The following NPAS3 variants were observed in gnomAD, a reference collection of about 807,000 sequenced individuals.
The protein encoded by NPAS3 is neuronal PAS domain-containing protein 3.
NPAS3 carries 14 observed loss-of-function variants against 73.1 expected under a neutral mutation model. The ratio of observed to expected loss-of-function variants is 0.19; its 90% confidence interval spans 0.13 to 0.30. The LOEUF is 0.30. Among genes scored for constraint, NPAS3 ranks in the 10% least tolerant of loss-of-function variants. NPAS3 has a pLI of 1.00. For synonymous variants in NPAS3, 620 were observed against 541.5 expected, an observed-to-expected ratio of 1.14 and a Z score of -2.01; for missense variants, 1,096 against 1,250.0, an observed-to-expected ratio of 0.88 and a Z score of 1.86.
chr14:33,613,545 A>G (rs2057817433), intron 5 of NPAS3, among the ~76,000 whole-genome samples: 1 of 151,964 alleles, frequency 6.6e-6, no homozygotes, highest in Non-Finnish European at 1.5e-5. Flanking sequence ...CATTGGTGCT[A>G]CATTCTGCTC....
intron 3 of NPAS3, among the ~76,000 whole-genome samples, chr14:33,317,136 A>G (rs1262979725): frequency 6.6e-6 from 1 of 152,072 alleles, no homozygotes. Context: ...TGGGGAGCCT[A>G]GCTTTCCCTT....
At chr14:32,950,046 G>C (rs772692327) in intron 1 of NPAS3, among the ~76,000 whole-genome samples, 6 of 151,980 alleles carry the variant, frequency 3.9e-5, no homozygotes, top group Admixed American at 2.6e-4. Flanking sequence ...GAAATCATGA[G>C]ATTAAATACA....
chr14:32,969,460 G>C (rs2037330434), intron 1 of NPAS3, among the ~76,000 whole-genome samples: 1 of 152,102 alleles, frequency 6.6e-6, no homozygotes. Context: ...ATATGCCAAA[G>C]TTTTCATGAG....
At chr14:33,548,989 C>T (rs1388106905) in intron 4 of NPAS3, among the ~76,000 whole-genome samples, 4 of 152,098 alleles carry the variant, frequency 2.6e-5, no homozygotes, top group African/African-American at 9.7e-5. Context: ...ATGTTTCATC[C>T]CCAGTTAGTA....
chr14:33,439,947 C>G (rs532275889), intron 4 of NPAS3, among the ~76,000 whole-genome samples: 30 of 152,116 alleles, frequency 2.0e-4, no homozygotes, highest in African/African-American at 5.8e-4. Context: ...AACCCCGTCT[C>G]TACTAAAAAT....
intron 5 of NPAS3, among the ~76,000 whole-genome samples, chr14:33,633,426 T>G (rs1048351781): frequency 1.3e-5 from 2 of 152,172 alleles, no homozygotes; most frequent in African/African-American, 2.4e-5. Flanking sequence ...GAATATGTTC[T>G]GAGAAATGCA....
chr14:33,733,381 G>T (rs2061447035), intron 6 of NPAS3, among the ~76,000 whole-genome samples: 1 of 151,582 alleles, frequency 6.6e-6, no homozygotes. Flanking sequence ...TTGGTTCTAA[G>T]GGTCTCTGAT....
intron 2 of NPAS3, among the ~76,000 whole-genome samples, chr14:33,104,032 C>A (rs1444942242): frequency 6.6e-6 from 1 of 152,126 alleles, no homozygotes; most frequent in Non-Finnish European, 1.5e-5. Flanking sequence ...TGGCGTCTGG[C>A]TTCAATAGGG....
intron 3 of NPAS3, among the ~76,000 whole-genome samples, chr14:33,276,749 T>C (rs997968323): frequency 6.6e-6 from 1 of 152,156 alleles, no homozygotes; most frequent in African/African-American, 2.4e-5. Context: ...TAAATTATTA[T>C]AAATAGAAAT....
At chr14:33,797,833 T>C (rs948183170) in intron 11 of NPAS3, among the ~76,000 whole-genome samples, 1 of 151,276 alleles carries the variant, frequency 6.6e-6, no homozygotes, top group African/African-American at 2.4e-5. Context: ...TAGTGCTGGA[T>C]AAATACATCT....
At chr14:33,563,007 A>T (rs2055728227) in intron 5 of NPAS3, among the ~76,000 whole-genome samples, 1 of 152,092 alleles carries the variant, frequency 6.6e-6, no homozygotes, top group African/African-American at 2.4e-5. Flanking sequence ...AGTGATAAGG[A>T]ATCTGTAAAG....
upstream of NPAS3, among the ~76,000 whole-genome samples, chr14:32,938,475 G>GAAAT (rs1206033890): frequency 8.1e-6 from 1 of 123,704 alleles, no homozygotes. Flanking sequence ...GAGAGAGAGA[G>GAAAT]AGAGAGAAAT....
At chr14:33,602,638 A>T (rs1381036113) in intron 5 of NPAS3, among the ~76,000 whole-genome samples, 7 of 151,960 alleles carry the variant, frequency 4.6e-5, no homozygotes. Context: ...TTTTTTTTTC[A>T]TCCAGTGCTT....
chr14:33,746,952 A>T (rs903267717), intron 7 of NPAS3, among the ~76,000 whole-genome samples: 1 of 138,922 alleles, frequency 7.2e-6, no homozygotes, highest in African/African-American at 2.8e-5. Context: ...TGTCCATGTG[A>T]TCTCATTGTT....
At chr14:33,567,552 C>A (rs187132344) in intron 5 of NPAS3, among the ~76,000 whole-genome samples, 74 of 152,296 alleles carry the variant, frequency 4.9e-4, no homozygotes, top group Non-Finnish European at 1.0e-4. Flanking sequence ...TGCAAGGAAT[C>A]ATATTTCAAG....
chr14:33,211,770 G>T (rs1027518801), intron 2 of NPAS3, among the ~76,000 whole-genome samples: 1 of 152,102 alleles, frequency 6.6e-6, no homozygotes, highest in African/African-American at 2.4e-5. Flanking sequence ...TGGTAATAAT[G>T]ATTTGTGAGG....
At chr14:33,523,882 A>G (rs918344889) in intron 4 of NPAS3, among the ~76,000 whole-genome samples, 7 of 152,100 alleles carry the variant, frequency 4.6e-5, no homozygotes, top group Non-Finnish European at 8.8e-5. Flanking sequence ...CCTCCCTTAT[A>G]TGTGTGGGGC....
chr14:33,345,639 A>C (rs2044690481), intron 3 of NPAS3, among the ~76,000 whole-genome samples: 1 of 152,190 alleles, frequency 6.6e-6, no homozygotes, highest in Admixed American at 6.5e-5. Context: ...TGTTCACAAA[A>C]TCCGGGTTAG....
chr14:33,459,002 T>A (rs1455970197), intron 4 of NPAS3, among the ~76,000 whole-genome samples: 1 of 152,164 alleles, frequency 6.6e-6, no homozygotes, highest in Non-Finnish European at 1.5e-5. Context: ...GGTTGCCCAT[T>A]TTTATGGTTG....
Sources: gnomAD v4.1 joint callset for allele counts (sites outside exome capture counted in the v4.1 genomes callset) on GRCh38, gnomAD v4.1.1 for gene constraint, MANE v1.5 for transcripts, NCBI Gene and HGNC (gene_info 2026-07-23, HGNC 2026-07-21) for gene names.